COL25A1: variants seen among roughly 807,000 people sequenced by gnomAD.
COL25A1 encodes collagen alpha-1(XXV) chain.
Under a neutral mutation model 128.4 loss-of-function variants are expected in COL25A1, and 103 were observed. That is an observed-to-expected ratio of 0.80 (90% confidence interval 0.68 to 0.94). COL25A1 has a LOEUF of 0.94. COL25A1 is among the 40% of genes least tolerant of loss of function. The pLI, the probability that COL25A1 is intolerant of heterozygous loss-of-function variation, is 0.00. For synonymous variants in COL25A1, 279 were observed against 277.2 expected (o/e 1.01, Z -0.06); for missense variants, 745 against 840.0 (o/e 0.89, Z 1.40).
At chr4:108,926,150 ATTAC>A (rs1349463260) in intron 11 of COL25A1, among the ~76,000 whole-genome samples, 1 of 152,198 alleles carries the variant, frequency 6.6e-6, no homozygotes, top group Admixed American at 6.6e-5. Context: ...TGAGGTATTA[ATTAC>A]TTAAACAGGA....
chr4:109,196,820 T>C (rs1246835836), intron 3 of COL25A1, among the ~76,000 whole-genome samples: 3 of 152,172 alleles, frequency 2.0e-5, no homozygotes, highest in African/African-American at 7.2e-5. Flanking sequence ...TGATTATCAA[T>C]GTGCAAATAC....
At chr4:109,027,506 C>T (rs987222924) in intron 5 of COL25A1, among the ~76,000 whole-genome samples, 2 of 151,584 alleles carry the variant, frequency 1.3e-5, no homozygotes, top group South Asian at 4.2e-4. Context: ...AAAGCCATGG[C>T]GAGGAGGTTC....
intron 26 of COL25A1, among the ~76,000 whole-genome samples, chr4:108,849,162 A>G (rs115282392): frequency 0.022 from 3,336 of 152,266 alleles, 45 homozygotes; most frequent in Non-Finnish European, 0.036. Flanking sequence ...TTTTCTCCAT[A>G]CAACCTCTGT....
Position 109,253,944 on chromosome 4 carries a change from C to A in COL25A1, c.367+46639G>T, listed in dbSNP as rs138881728. Among the ~76,000 whole-genome samples the A allele has an allele frequency of 2.6e-5, 4 of 151,558 alleles. No individual in the cohort carries two copies. In the East Asian group the frequency reaches 7.8e-4, roughly 29 times the overall value. ...CTACTAAAAATACAAAAAATTATCCCGGTGCGGTGGCGGGTGCCTGTAGTC... is the reference window on the plus strand; with the variant it reads ...CTACTAAAAATACAAAAAATTATCCAGGTGCGGTGGCGGGTGCCTGTAGTC... On this transcript the variant is annotated intron_variant, in intron 3 of 37. Coordinates refer to ENST00000399132, the MANE Select transcript of COL25A1 (RefSeq NM_198721.4).
chr4:108,934,433 A>T (rs1256567457), intron 11 of COL25A1, among the ~76,000 whole-genome samples: 1 of 152,154 alleles, frequency 6.6e-6, no homozygotes, highest in Non-Finnish European at 1.5e-5. Flanking sequence ...ATGTATACCT[A>T]TGTATCAAAT....
intron 13 of COL25A1, among the ~76,000 whole-genome samples, chr4:108,915,128 G>C (rs1435014186): frequency 6.6e-6 from 1 of 152,166 alleles, no homozygotes; most frequent in Non-Finnish European, 1.5e-5. Context: ...CTAATGCCAT[G>C]CCACTGCATA....
chr4:108,872,895 CTTTTGTTTTTG>C (rs1161160440), intron 19 of COL25A1, among the ~76,000 whole-genome samples: 1 of 143,238 alleles, frequency 7.0e-6, no homozygotes, highest in Non-Finnish European at 1.5e-5. Context: ...TTTTTTTTTT[CTTTTGTTTTTG>C]TTTTTGAGAC....
chr4:108,987,813 C>T (rs1753797436), intron 6 of COL25A1, among the ~76,000 whole-genome samples: 1 of 152,174 alleles, frequency 6.6e-6, no homozygotes, highest in South Asian at 2.1e-4. Context: ...TCTCCACCTC[C>T]CCCATAAGCT....
intron 6 of COL25A1, among the ~76,000 whole-genome samples, chr4:108,993,860 C>A (rs374067535): frequency 2.0e-3 from 262 of 132,658 alleles, no homozygotes; most frequent in Middle Eastern, 3.8e-3. Context: ...AACTCCATCT[C>A]AAAAAAAAAA....
At chr4:109,114,820 G>T (rs1767375668) in intron 3 of COL25A1, among the ~76,000 whole-genome samples, 1 of 151,962 alleles carries the variant, frequency 6.6e-6, no homozygotes, top group East Asian at 1.9e-4. Flanking sequence ...CTTAAATTGT[G>T]GTAGTACTAC....
chr4:108,966,883 A>AAAAGGAAG (rs1751358994), intron 8 of COL25A1, among the ~76,000 whole-genome samples: 1 of 151,266 alleles, frequency 6.6e-6, no homozygotes, highest in South Asian at 2.1e-4. Context: ...AGAAAAAAAG[A>AAAAGGAAG]AAAGGAAGGA....
chr4:109,056,492 T>C (rs940406064), intron 3 of COL25A1, among the ~76,000 whole-genome samples: 11 of 152,166 alleles, frequency 7.2e-5, no homozygotes, highest in African/African-American at 2.7e-4. Context: ...AATAGTCCTT[T>C]CACAAATATG....
At chr4:109,157,754 T>C (rs17288964) in intron 3 of COL25A1, among the ~76,000 whole-genome samples, 77,013 of 152,102 alleles carry the variant, frequency 0.51, 21,979 homozygotes, top group Non-Finnish European at 0.65. Flanking sequence ...CATCTATATA[T>C]AAAAAATACA....
chr4:109,045,703 T>A (rs1367942312), intron 5 of COL25A1, among the ~76,000 whole-genome samples: 4 of 152,170 alleles, frequency 2.6e-5, no homozygotes, highest in Admixed American at 2.0e-4. Context: ...GATAGCATAA[T>A]CAATGTTTTT....
intron 3 of COL25A1, among the ~76,000 whole-genome samples, chr4:109,204,146 T>C (rs899765492): frequency 6.6e-6 from 1 of 152,012 alleles, no homozygotes; most frequent in Non-Finnish European, 1.5e-5. Flanking sequence ...AAAACAGAAA[T>C]TGAGGGTGGA....
chr4:108,999,480 G>A (rs1755140452), intron 6 of COL25A1, among the ~76,000 whole-genome samples: 1 of 152,200 alleles, frequency 6.6e-6, no homozygotes, highest in Non-Finnish European at 1.5e-5. Flanking sequence ...ATTCTGGAGA[G>A]GATGTAGAGA....
chr4:109,219,536 ATC>A (rs1778273857), intron 3 of COL25A1, among the ~76,000 whole-genome samples: 1 of 150,086 alleles, frequency 6.7e-6, no homozygotes. Context: ...CACACTCCCA[ATC>A]TCTGTGTCAC....
chr4:109,213,067 C>T (rs966183979), intron 3 of COL25A1, among the ~76,000 whole-genome samples: 2 of 152,086 alleles, frequency 1.3e-5, no homozygotes, highest in African/African-American at 2.4e-5. Flanking sequence ...AAGTGTACCA[C>T]AAGGGATTCA....
At chr4:109,284,974 GTTA>G (rs1282224571) in intron 3 of COL25A1, among the ~76,000 whole-genome samples, 4 of 151,864 alleles carry the variant, frequency 2.6e-5, no homozygotes, top group Admixed American at 2.6e-4. Flanking sequence ...CAGCAAGAAA[GTTA>G]TTATAATTTT....
Sources: gnomAD v4.1 joint callset for allele counts (sites outside exome capture counted in the v4.1 genomes callset) on GRCh38, gnomAD v4.1.1 for gene constraint, MANE v1.5 for transcripts, NCBI Gene and HGNC (gene_info 2026-07-23, HGNC 2026-07-21) for gene names.